C12orf42: variants seen among roughly 807,000 people sequenced by gnomAD.
C12orf42 encodes the protein uncharacterized protein C12orf42.
Under a neutral mutation model 21.6 loss-of-function variants are expected in C12orf42, and 25 were observed. The ratio of observed to expected loss-of-function variants is 1.16; its 90% confidence interval spans 0.84 to 1.62. The LOEUF (loss-of-function observed/expected upper bound fraction) is 1.62. C12orf42 is among the 40% of genes most tolerant of loss of function. C12orf42 has a pLI of 0.00. For synonymous variants in C12orf42, 174 were observed against 175.0 expected (o/e 0.99, Z 0.05); for missense variants, 483 against 459.3 (o/e 1.05, Z -0.47).
chr12:103,336,626 A>G (rs945000474), intron 4 of C12orf42, among the ~76,000 whole-genome samples: 1 of 152,260 alleles, frequency 6.6e-6, no homozygotes, highest in Non-Finnish European at 1.5e-5. Context: ...CATCAAATAT[A>G]TGTAATCCTG....
At chr12:103,404,935 C>T (rs2048311716) in intron 2 of C12orf42, among the ~76,000 whole-genome samples, 1 of 152,244 alleles carries the variant, frequency 6.6e-6, no homozygotes, top group African/African-American at 2.4e-5. Context: ...CATTTATACA[C>T]TTGAACCACC....
the C12orf42 span, among the ~76,000 whole-genome samples, chr12:103,148,326 T>A: frequency 6.6e-6 from 1 of 152,190 alleles, no homozygotes; most frequent in Non-Finnish European, 1.5e-5. Flanking sequence ...AAATTTGACT[T>A]CGGTGTTACC....
At chr12:103,435,129 C>T (rs1485310973) in intron 2 of C12orf42, among the ~76,000 whole-genome samples, 1 of 152,138 alleles carries the variant, frequency 6.6e-6, no homozygotes, top group African/African-American at 2.4e-5. Flanking sequence ...AGGCACCCCC[C>T]AGCAGAGGCA....
the C12orf42 span, among the ~76,000 whole-genome samples, chr12:103,106,411 C>T: frequency 2.0e-5 from 3 of 151,832 alleles, no homozygotes; most frequent in African/African-American, 7.3e-5. Flanking sequence ...ATAAAATAAA[C>T]ATGTGGGTAA....
At chr12:103,228,666 T>G in the C12orf42 span, among the ~76,000 whole-genome samples, 2 of 152,136 alleles carry the variant, frequency 1.3e-5, no homozygotes. Flanking sequence ...TGGTATATCT[T>G]GAAATACTTT....
At chr12:103,516,800 T>C in the C12orf42 span, among the ~76,000 whole-genome samples, 24,718 of 152,134 alleles carry the variant, frequency 0.16, 2,140 homozygotes, top group South Asian at 0.21. Context: ...AACAGGACTT[T>C]ATAATAGGAA....
At chr12:103,117,357 G>A in the C12orf42 span, among the ~76,000 whole-genome samples, 6 of 152,214 alleles carry the variant, frequency 3.9e-5, no homozygotes, top group East Asian at 1.2e-3. Context: ...TATTCACAAT[G>A]GCATGCTGTC....
the C12orf42 span, among the ~76,000 whole-genome samples, chr12:103,561,037 C>T: frequency 6.6e-6 from 1 of 152,272 alleles, no homozygotes; most frequent in East Asian, 1.9e-4. Flanking sequence ...GAGACTTTTA[C>T]CTCATGGAAT....
At chr12:103,217,002 CT>C in the C12orf42 span, among the ~76,000 whole-genome samples, 1 of 152,170 alleles carries the variant, frequency 6.6e-6, no homozygotes, top group African/African-American at 2.4e-5. Context: ...ACCACCACCC[CT>C]GGCTCATTTT....
At chr12:103,342,356 G>T (rs530561113) in intron 4 of C12orf42, among the ~76,000 whole-genome samples, 2 of 152,254 alleles carry the variant, frequency 1.3e-5, no homozygotes, top group South Asian at 4.1e-4. Context: ...CCTAAACGAG[G>T]ATTGATGCCT....
At chr12:103,183,649 A>G in the C12orf42 span, among the ~76,000 whole-genome samples, 1 of 152,016 alleles carries the variant, frequency 6.6e-6, no homozygotes, top group South Asian at 2.1e-4. Flanking sequence ...TTGAAACAGG[A>G]ACTAAGATTA....
the C12orf42 span, among the ~76,000 whole-genome samples, chr12:103,087,875 G>T: frequency 6.6e-6 from 1 of 152,168 alleles, no homozygotes; most frequent in Non-Finnish European, 1.5e-5. Context: ...AAACACTGTA[G>T]GTAATGTTAT....
chr12:103,527,406 A>G, the C12orf42 span, among the ~76,000 whole-genome samples: 1 of 152,108 alleles, frequency 6.6e-6, no homozygotes, highest in Non-Finnish European at 1.5e-5. Flanking sequence ...TAATGGAAGG[A>G]GTTTGGGTCA....
chr12:103,259,101 G>A (rs1354237598), intron 10 of C12orf42, among the ~76,000 whole-genome samples: 1 of 152,142 alleles, frequency 6.6e-6, no homozygotes, highest in Non-Finnish European at 1.5e-5. Flanking sequence ...ATAGGGCAAA[G>A]AACCTAGAAA....
intron 4 of C12orf42, among the ~76,000 whole-genome samples, chr12:103,278,302 A>G (rs2035899511): frequency 6.6e-6 from 1 of 152,236 alleles, no homozygotes; most frequent in Non-Finnish European, 1.5e-5. Flanking sequence ...ATGCTTTTAG[A>G]AATCATTTTT....
chr12:103,364,472 A>G (rs1297269320), intron 4 of C12orf42, among the ~76,000 whole-genome samples: 1 of 151,624 alleles, frequency 6.6e-6, no homozygotes, highest in East Asian at 1.9e-4. Flanking sequence ...AACCCAGCAG[A>G]AAAAAGGAAA....
intron 3 of C12orf42, among the ~76,000 whole-genome samples, chr12:103,371,767 C>G (rs2045262589): frequency 6.6e-6 from 1 of 152,060 alleles, no homozygotes; most frequent in Admixed American, 6.6e-5. Context: ...AGGCCCACAT[C>G]CAAGTCTCAT....
At chr12:103,068,801 T>C in the C12orf42 span, among the ~76,000 whole-genome samples, 1 of 150,490 alleles carries the variant, frequency 6.6e-6, no homozygotes, top group Non-Finnish European at 1.5e-5. Flanking sequence ...GCTTCCTTGC[T>C]CCTCAGCTTG....
intron 5 of C12orf42, among the ~76,000 whole-genome samples, chr12:103,274,820 C>T (rs1377335050): frequency 6.6e-6 from 1 of 152,184 alleles, no homozygotes; most frequent in East Asian, 1.9e-4. Context: ...TTTCCAGCTG[C>T]TATGCTTTCA....
Sources: gnomAD v4.1 joint callset for allele counts (sites outside exome capture counted in the v4.1 genomes callset) on GRCh38, gnomAD v4.1.1 for gene constraint, MANE v1.5 for transcripts, NCBI Gene and HGNC (gene_info 2026-07-23, HGNC 2026-07-21) for gene names.